Variants in DAAM1 observed in about 807,000 individuals in gnomAD.
DAAM1 encodes disheveled-associated activator of morphogenesis 1.
Under a neutral mutation model 130.0 loss-of-function variants are expected in DAAM1, and 52 were observed. The ratio of observed to expected loss-of-function variants is 0.40; its 90% CI spans 0.32 to 0.50. The LOEUF is 0.50. Ranked by LOEUF, DAAM1 falls within the 20% of genes least tolerant of loss-of-function variation. The pLI is 0.61. For synonymous variants in DAAM1, 452 were observed against 444.5 expected (o/e 1.02, Z -0.21); for missense variants, 1,134 against 1,303.8 (o/e 0.87, Z 2.01).
intron 1 of DAAM1, among the ~76,000 whole-genome samples, chr14:59,256,731 C>G (rs1023156715): frequency 1.2e-4 from 19 of 152,138 alleles, no homozygotes; most frequent in African/African-American, 3.9e-4. Flanking sequence ...CTATGCATTC[C>G]TTCTTCATCG....
chr14:59,255,364 A>G (rs914348495), intron 1 of DAAM1, among the ~76,000 whole-genome samples: 5 of 152,160 alleles, frequency 3.3e-5, no homozygotes, highest in Non-Finnish European at 7.3e-5. Context: ...CGTTTCTCCT[A>G]TAAGCTTTAG....
intron 1 of DAAM1, among the ~76,000 whole-genome samples, chr14:59,236,228 AGTT>A (rs1356314831): frequency 6.6e-6 from 1 of 151,840 alleles, no homozygotes; most frequent in East Asian, 1.9e-4. Flanking sequence ...AAAGGGAAGA[AGTT>A]GTAGTAGAAT....
chr14:59,321,226 T>C (rs1249591632), intron 5 of DAAM1, among the ~76,000 whole-genome samples: 2 of 152,222 alleles, frequency 1.3e-5, no homozygotes, highest in Non-Finnish European at 2.9e-5. Flanking sequence ...CCACACACTG[T>C]ATGATTCTAT....
At position 59,224,253 on chromosome 14, in the gene DAAM1, G is replaced by C. The variant is rs143690065; in HGVS notation, c.-38+35485G>C. Among the ~76,000 whole-genome samples, 947 of 152,260 alleles carry C rather than the reference G, an allele frequency of 6.2e-3. 9 individuals are homozygous for C. Among genetic ancestry groups the C allele is most frequent in the African/African-American group, 0.021 (892 of 41,530 alleles). Reference sequence around the variant, plus strand: ...TACAGCAGCTGCAATTGGAATCACTGGTTTGTTAAGCTTATGATAGTCCAC... The same window carrying C: ...TACAGCAGCTGCAATTGGAATCACTCGTTTGTTAAGCTTATGATAGTCCAC... On this transcript the variant is annotated intron_variant, in intron 1 of 24. Transcript: ENST00000360909.
At position 59,355,176 on chromosome 14, in the gene DAAM1, G is replaced by T; in HGVS notation, c.2368G>T (p.Gly790Cys). 6.2e-7 allele frequency: 1 copy of T among 1,610,100 alleles called. No homozygotes were observed. The highest frequency in any genetic ancestry group is 8.5e-7 in the Non-Finnish European group (1 of 1,178,436). Residue 790 changes from glycine (G) to cysteine (C), a missense_variant, in exon 20 of 25, where the codon GGC becomes TGC. Gly to Cys is a radical substitution (Grantham distance 159). This residue lies in a region of DAAM1 where 644 missense variants were observed against 695.9 expected (regional missense o/e 0.93). Coordinates refer to ENST00000360909, the MANE Select transcript of DAAM1 (RefSeq NM_001270520.2). Reference protein sequence around the residue: ...VKPKVEAIRSGSEEVFRSGAL... With the variant: ...VKPKVEAIRSCSEEVFRSGAL... ...GTTTTGTTTTGAAGCAATTCGTTCT[G>T]GCTCAGAAGAGGTGTTTAGGAGTGG...
At chr14:59,211,233 T>G (rs749022270) in intron 1 of DAAM1, among the ~76,000 whole-genome samples, 7 of 152,234 alleles carry the variant, frequency 4.6e-5, no homozygotes, top group Non-Finnish European at 7.3e-5. Flanking sequence ...CAGAATATAA[T>G]GAAGTGTTTC....
At position 59,369,013 on chromosome 14, in the gene DAAM1, A is replaced by T; in HGVS notation, c.*154A>T. On this transcript the variant is annotated 3_prime_UTR_variant, in exon 25 of 25. Transcript: ENST00000360909. ...CGTGTGTATGTAAATGTATGTGTGT[A>T]TATATTAAAAAATGTATATAGATGT... 1.6e-6 allele frequency: 1 copy of T among 643,426 alleles called. No homozygotes were observed. Among genetic ancestry groups the T allele is most frequent in the East Asian group, 2.8e-5 (1 of 36,150 alleles). The allele number at this position is 643,426 out of a possible 1,614,324, so 39.9% of individuals were successfully genotyped here.
intron 2 of DAAM1, among the ~76,000 whole-genome samples, chr14:59,278,875 T>C (rs1352196931): frequency 1.3e-5 from 2 of 152,224 alleles, no homozygotes; most frequent in East Asian, 3.8e-4. Context: ...CTTTCCTCCT[T>C]CTTCATACAC....
chr14:59,327,083 T>C (rs940350771), intron 12 of DAAM1, 92 bp downstream of exon 12: 125 of 1,433,434 alleles, frequency 8.7e-5, no homozygotes, highest in Non-Finnish European at 1.2e-4. Flanking sequence ...TGATGTTTCT[T>C]GTTAGCTTGG....
chr14:59,337,434 A>G (rs1235803308), intron 15 of DAAM1, among the ~76,000 whole-genome samples: 2 of 152,210 alleles, frequency 1.3e-5, no homozygotes, highest in African/African-American at 4.8e-5. Context: ...TCTGTGTAAA[A>G]TTGGCCTTGG....
chr14:59,215,747 A>G (rs1415276277), intron 1 of DAAM1, among the ~76,000 whole-genome samples: 1 of 152,134 alleles, frequency 6.6e-6, no homozygotes, highest in Admixed American at 6.5e-5. Context: ...GTGGGGGTTG[A>G]GGTAGATAAG....
chr14:59,332,046 G>A, intron 15 of DAAM1, 126 bp downstream of exon 15: 1 of 746,466 alleles, frequency 1.3e-6, no homozygotes, highest in East Asian at 2.6e-5. Flanking sequence ...GATCTACCCT[G>A]TGCATGTCCG....
In DAAM1 at chr14:59,315,324, C is replaced by A. The variant is rs1555362467; in HGVS notation, c.318C>A (p.Tyr106Ter). The A allele has an allele frequency of 6.2e-7, 1 of 1,613,972 alleles. No individual in the cohort carries two copies. The highest frequency in any genetic ancestry group is 8.5e-7 in the Non-Finnish European group (1 of 1,179,922). Residue 106 changes from tyrosine to a stop codon, truncating the protein, a stop_gained, in exon 4 of 25, where the codon TAC (tyrosine) becomes TAA (stop). Coordinates refer to ENST00000360909, the MANE Select transcript of DAAM1 (RefSeq NM_001270520.2). LOFTEE classifies it high-confidence loss of function. ...NKGATSWPEF[Y>*]IDQLNSMAAR... ...GAGCTACAAGTTGGCCTGAATTCTA[C>A]ATTGATCAGCTCAATTCCATGGCTG...
At chr14:59,279,596 G>A (rs1883122384) in intron 2 of DAAM1, among the ~76,000 whole-genome samples, 1 of 152,052 alleles carries the variant, frequency 6.6e-6, no homozygotes, top group Non-Finnish European at 1.5e-5. Context: ...TCTGTGAGAG[G>A]GACTGGAGAT....
At chr14:59,299,978 G>A (rs1884107933) in intron 3 of DAAM1, 1 of 152,202 alleles carries the variant, frequency 6.6e-6, no homozygotes, top group Admixed American at 6.5e-5. Flanking sequence ...TTGGCAAGCA[G>A]TTGTCAACAC....
At chr14:59,359,330 C>T in intron 20 of DAAM1, 67 bp from the exon 21 acceptor site, 3 of 1,141,086 alleles carry the variant, frequency 2.6e-6, no homozygotes, top group Non-Finnish European at 3.8e-6. Flanking sequence ...ATTAACTATT[C>T]ATATATTTAT....
Position 59,330,509 on chromosome 14 carries a change from G to T in DAAM1, c.1381G>T (p.Glu461Ter). ...QAEKMRKEHN[E>*]LQQKLEKKER... ...ATTGTTTTCTCGTGTAGAGCACAATGAGCTACAACAGAAACTGGAAAAGAA... is the reference window on the plus strand; with the variant it reads ...ATTGTTTTCTCGTGTAGAGCACAATTAGCTACAACAGAAACTGGAAAAGAA... The change falls in exon 13 of 25, where the codon GAG becomes TAG. Residue 461 changes from glutamate (E) to a stop codon, truncating the protein, a stop_gained. Transcript: ENST00000360909. LOFTEE classifies it high-confidence loss of function. 6.2e-7 allele frequency: 1 copy of T among 1,608,008 alleles called. No homozygotes were observed. The highest frequency in any genetic ancestry group is 1.7e-5 in the Admixed American group (1 of 59,058).
At chr14:59,344,764 T>C (rs1886003719) in intron 16 of DAAM1, among the ~76,000 whole-genome samples, 1 of 152,202 alleles carries the variant, frequency 6.6e-6, no homozygotes, top group South Asian at 2.1e-4. Flanking sequence ...CATAAATATA[T>C]ACAATTTCAA....
At chr14:59,323,600 G>A (rs1306606542) in intron 6 of DAAM1, among the ~76,000 whole-genome samples, 8 of 152,294 alleles carry the variant, frequency 5.3e-5, no homozygotes, top group African/African-American at 1.7e-4. Context: ...GATGTAAAAA[G>A]CAAGCAGAGA....
Sources: gnomAD v4.1 joint callset for allele counts (sites outside exome capture counted in the v4.1 genomes callset) on GRCh38, gnomAD v4.1.1 for gene constraint, gnomAD v4.1.1 regional missense constraint, MANE v1.5 for transcripts, NCBI Gene and HGNC (gene_info 2026-07-23, HGNC 2026-07-21) for gene names.